The following AASDH variants were observed in gnomAD, a reference collection of about 807,000 sequenced individuals.
AASDH encodes the protein beta-alanine-activating enzyme.
AASDH carries 81 observed loss-of-function variants against 102.3 expected under a neutral mutation model. That is an observed-to-expected ratio of 0.79 (90% CI 0.66 to 0.95). The LOEUF is 0.95. Ranked by LOEUF, AASDH falls within the 40% of genes least tolerant of loss-of-function variation. AASDH has a pLI of 0.00. For missense variants in AASDH, 1,203 were observed against 1,266.2 expected, an observed-to-expected ratio of 0.95 and a Z score of 0.76; for synonymous variants, 398 against 454.0, an observed-to-expected ratio of 0.88 and a Z score of 1.57.
At chr4:56,353,315 A>G (rs1463182875) in intron 9 of AASDH, 89 bp downstream of exon 9, 6 of 1,117,928 alleles carry the variant, frequency 5.4e-6, no homozygotes, top group Non-Finnish European at 6.2e-6. Context: ...ACCATTTATA[A>G]AAATAAAGAT....
intron 4 of AASDH, among the ~76,000 whole-genome samples, chr4:56,373,159 G>T (rs111673714): frequency 3.7e-4 from 56 of 152,114 alleles, no homozygotes; most frequent in African/African-American, 1.3e-3. Context: ...TTTGTTTTTT[G>T]AGAAAAGTCT....
chr4:56,369,194 A>G (rs1751404147), intron 5 of AASDH, among the ~76,000 whole-genome samples: 1 of 152,240 alleles, frequency 6.6e-6, no homozygotes, highest in Non-Finnish European at 1.5e-5. Flanking sequence ...AACAACTGCT[A>G]AAGTAAATTT....
chr4:56,382,630 G>A lies in AASDH; in HGVS notation c.231-33C>T, dbSNP rs142586537. On this transcript the variant is annotated intron_variant, in intron 2 of 14. Coordinates refer to ENST00000205214, the MANE Select transcript of AASDH (RefSeq NM_181806.4). ...AAAAAGTACACAGTCAGCATAGAAT[G>A]TCTGTTGATTTAGTATTTGTTTAAG... 5.7e-5 allele frequency: 90 copies of A among 1,584,860 alleles called. No individual in the cohort carries two copies. The East Asian group carries it at 1.6e-3, about 28-fold the overall frequency.
intron 11 of AASDH, among the ~76,000 whole-genome samples, chr4:56,347,022 C>A (rs1466534167): frequency 2.0e-5 from 3 of 148,144 alleles, no homozygotes; most frequent in African/African-American, 7.5e-5. Flanking sequence ...GCCTGGGTGA[C>A]AGAGCAAGAC....
chr4:56,386,130 CTTACA>C (rs544333563), intron 1 of AASDH, among the ~76,000 whole-genome samples: 90 of 152,220 alleles, frequency 5.9e-4, no homozygotes, highest in Non-Finnish European at 7.4e-4. Context: ...AACTTTAGTA[CTTACA>C]TTATTTATTT....
At chr4:56,340,162 C>T (rs1369815677) in intron 14 of AASDH, among the ~76,000 whole-genome samples, 3 of 152,028 alleles carry the variant, frequency 2.0e-5, no homozygotes, top group South Asian at 2.1e-4. Flanking sequence ...GAACAAGATT[C>T]CATCTCAAAA....
intron 5 of AASDH, chr4:56,356,691 G>T: frequency 1.4e-6 from 1 of 692,960 alleles, no homozygotes; most frequent in East Asian, 2.6e-5. Context: ...TCAAGGGGAA[G>T]GGAAGACTGG....
intron 11 of AASDH, 109 bp downstream of exon 11, chr4:56,349,154 G>C (rs1168998019): frequency 2.7e-5 from 32 of 1,197,506 alleles, no homozygotes; most frequent in Non-Finnish European, 3.6e-5. Flanking sequence ...TTTTTGGACA[G>C]CAACCAAACC....
At chr4:56,349,116 A>G (rs1748666511) in intron 11 of AASDH, 147 bp downstream of exon 11, 5 of 842,274 alleles carry the variant, frequency 5.9e-6, no homozygotes, top group Middle Eastern at 3.4e-4. Context: ...AAGGCCCACA[A>G]TATTAATCAG....
Position 56,338,830 on chromosome 4 carries a change from T to C in AASDH, c.2908-39A>G, listed in dbSNP as rs758020310. On this transcript the variant is annotated intron_variant, in intron 14 of 14. Coordinates refer to ENST00000205214, the MANE Select transcript of AASDH (RefSeq NM_181806.4). ...TAAAAATAAATATAATTCATTCATC[T>C]AATTGCTCCAATTCTCCCTTAAAGC... 2.6e-6 allele frequency: 4 copies of C among 1,565,230 alleles called. No individual in the cohort carries two copies. The African/African-American group carries it at 5.5e-5, about 22-fold the overall frequency.
intron 11 of AASDH, among the ~76,000 whole-genome samples, chr4:56,345,756 G>A (rs1335653678): frequency 1.3e-5 from 2 of 152,148 alleles, no homozygotes; most frequent in African/African-American, 4.8e-5. Context: ...GTGCATAGAA[G>A]GTGTTTAAGA....
At chr4:56,375,611 G>A (rs116376387) in intron 4 of AASDH, among the ~76,000 whole-genome samples, 2,820 of 152,036 alleles carry the variant, frequency 0.019, 97 homozygotes, top group African/African-American at 0.064. Context: ...CCCATTTCAC[G>A]GACCATTCTT....
chr4:56,365,638 G>T (rs1283730945), intron 5 of AASDH, among the ~76,000 whole-genome samples: 1 of 152,084 alleles, frequency 6.6e-6, no homozygotes, highest in African/African-American at 2.4e-5. Context: ...ATAATGAAAT[G>T]AAGGCAGAAA....
chr4:56,338,480 GACC>G lies in AASDH; in HGVS notation c.3216_3218del (p.Val1073del). The G allele has an allele frequency of 6.2e-7, 1 of 1,613,834 alleles. No homozygotes were observed. The highest frequency in any genetic ancestry group is 8.5e-7 in the Non-Finnish European group (1 of 1,179,962). On this transcript the variant is annotated inframe_deletion, in exon 15 of 15. Transcript: ENST00000205214. ...ACCCAATAATGAGCATTGATTCCAG[GACC>G]ACAGGAGAAGAGAAGACTTCTCCAG...
At chr4:56,375,550 A>G (rs1242712841) in intron 4 of AASDH, among the ~76,000 whole-genome samples, 1 of 152,216 alleles carries the variant, frequency 6.6e-6, no homozygotes, top group Non-Finnish European at 1.5e-5. Context: ...AGAAATTTGT[A>G]TAATTTAGTC....
chr4:56,383,929 A>G, intron 2 of AASDH, 141 bp downstream of exon 2: 1 of 545,072 alleles, frequency 1.8e-6, no homozygotes, highest in Non-Finnish European at 3.1e-6. Flanking sequence ...GGGGAAATGC[A>G]AACTTCTTTA....
At chr4:56,356,829 C>T (rs1749694824) in intron 5 of AASDH, 7 of 800,454 alleles carry the variant, frequency 8.7e-6, no homozygotes, top group Non-Finnish European at 1.5e-5. Context: ...ACGATGAGAT[C>T]CACCGTCACT....
chr4:56,344,662 A>AT (rs1475431342), intron 12 of AASDH, among the ~76,000 whole-genome samples: 2 of 151,986 alleles, frequency 1.3e-5, no homozygotes, highest in East Asian at 3.9e-4. Flanking sequence ...TATCTTCGTC[A>AT]TTTTTTTCTA....
chr4:56,361,937 G>C (rs1206832003), intron 5 of AASDH, among the ~76,000 whole-genome samples: 1 of 152,140 alleles, frequency 6.6e-6, no homozygotes, highest in Non-Finnish European at 1.5e-5. Flanking sequence ...GCGCCACTGT[G>C]CTCCAGCCTG....
Sources: gnomAD v4.1 joint callset for allele counts (sites outside exome capture counted in the v4.1 genomes callset) on GRCh38, gnomAD v4.1.1 for gene constraint, MANE v1.5 for transcripts, NCBI Gene and HGNC (gene_info 2026-07-23, HGNC 2026-07-21) for gene names.